The following RALYL variants were observed in gnomAD, a reference collection of about 807,000 sequenced individuals.
RALYL encodes the protein RNA-binding Raly-like protein.
In RALYL, 29 loss-of-function variants were observed where a neutral mutation model predicts 35.1. The observed-to-expected ratio is 0.83, with a 90% confidence interval of 0.61 to 1.13. RALYL has a LOEUF of 1.13. Ranked by LOEUF, RALYL falls within the 50% of genes most tolerant of loss-of-function variation. The pLI is 0.00. For synonymous variants in RALYL, 120 were observed against 127.6 expected, an observed-to-expected ratio of 0.94 and a Z score of 0.40; for missense variants, 359 against 360.4, an observed-to-expected ratio of 1.00 and a Z score of 0.03.
At position 84,468,512 on chromosome 8, in the gene RALYL, T is replaced by C. The variant is rs574366812; in HGVS notation, c.-23-60787T>C. ...CTTGTAGGGTTTCTGCCGAGAGATC[T>C]GCTGTTAGTCTGATGGGCTTCCCTT... On this transcript the variant is annotated intron_variant, in intron 1 of 8. Coordinates refer to ENST00000521268, the MANE Select transcript of RALYL (RefSeq NM_173848.7). Among the ~76,000 whole-genome samples, 84 of 149,862 alleles carry C rather than the reference T, an allele frequency of 5.6e-4. 1 individual carries two copies. In the South Asian group the frequency reaches 0.018, roughly 32 times the overall value.
intron 2 of RALYL, among the ~76,000 whole-genome samples, chr8:84,600,917 C>G (rs1356920290): frequency 6.6e-6 from 1 of 151,948 alleles, no homozygotes; most frequent in African/African-American, 2.4e-5. Flanking sequence ...CATCATGATG[C>G]TATTGGTTAT....
chr8:84,788,274 G>A (rs557381405), intron 3 of RALYL, among the ~76,000 whole-genome samples: 3 of 152,218 alleles, frequency 2.0e-5, no homozygotes, highest in Non-Finnish European at 2.9e-5. Context: ...CAGAACAGAT[G>A]TCTACAACCA....
chr8:84,551,317 T>A (rs972187238), intron 2 of RALYL, among the ~76,000 whole-genome samples: 2 of 152,158 alleles, frequency 1.3e-5, no homozygotes, highest in African/African-American at 4.8e-5. Context: ...AATGATTTAT[T>A]GACCAACATA....
At chr8:84,639,772 A>C (rs1825930850) in intron 2 of RALYL, among the ~76,000 whole-genome samples, 1 of 151,966 alleles carries the variant, frequency 6.6e-6, no homozygotes, top group Admixed American at 6.6e-5. Context: ...AAAAGAATTA[A>C]AGCCAATTAA....
chr8:84,629,374 A>G (rs1471047357), intron 2 of RALYL, among the ~76,000 whole-genome samples: 2 of 152,114 alleles, frequency 1.3e-5, no homozygotes, highest in Admixed American at 6.6e-5. Context: ...AATACTTCCA[A>G]AATGCATATA....
intron 1 of RALYL, among the ~76,000 whole-genome samples, chr8:84,492,688 T>C (rs931583233): frequency 6.7e-6 from 1 of 149,586 alleles, no homozygotes; most frequent in Non-Finnish European, 1.5e-5. Flanking sequence ...GATTGTGTTT[T>C]CCCCTCTTGT....
intron 1 of RALYL, among the ~76,000 whole-genome samples, chr8:84,425,398 C>T (rs963258121): frequency 2.0e-5 from 3 of 152,210 alleles, no homozygotes; most frequent in East Asian, 1.9e-4. Context: ...ATGCCTCGCC[C>T]TGCTTCGGCT....
At chr8:84,570,047 T>C (rs1289267534) in intron 2 of RALYL, among the ~76,000 whole-genome samples, 1 of 151,978 alleles carries the variant, frequency 6.6e-6, no homozygotes, top group Non-Finnish European at 1.5e-5. Context: ...TTCTTTTTGA[T>C]GAGGATTGCT....
At chr8:84,811,758 G>T (rs149312058) in intron 4 of RALYL, among the ~76,000 whole-genome samples, 1,678 of 152,066 alleles carry the variant, frequency 0.011, 39 homozygotes, top group African/African-American at 0.038. Context: ...TAATTTGAAG[G>T]CCTTGTCTTT....
At chr8:84,666,225 A>G (rs1050048485) in intron 2 of RALYL, among the ~76,000 whole-genome samples, 5 of 151,988 alleles carry the variant, frequency 3.3e-5, no homozygotes, top group African/African-American at 4.8e-5. Context: ...ATACTAGCCT[A>G]TTTTGCTCGT....
At chr8:84,292,909 T>G (rs1839032771) in intron 1 of RALYL, among the ~76,000 whole-genome samples, 1 of 152,132 alleles carries the variant, frequency 6.6e-6, no homozygotes, top group Non-Finnish European at 1.5e-5. Flanking sequence ...GTACTTGCCC[T>G]GAATTCTTTC....
intron 8 of RALYL, among the ~76,000 whole-genome samples, chr8:84,911,153 A>T (rs2135689352): frequency 6.6e-6 from 1 of 152,228 alleles, no homozygotes; most frequent in South Asian, 2.1e-4. Context: ...CAGAAAGTTC[A>T]ACTAGCAACT....
chr8:84,906,323 C>G (rs1019791381), intron 8 of RALYL, among the ~76,000 whole-genome samples: 2 of 151,892 alleles, frequency 1.3e-5, no homozygotes, highest in Admixed American at 6.6e-5. Context: ...GTATGATGAG[C>G]TGTAAAAACT....
intron 1 of RALYL, among the ~76,000 whole-genome samples, chr8:84,491,421 G>T (rs783783): frequency 0.24 from 35,754 of 151,790 alleles, 5,222 homozygotes; most frequent in East Asian, 0.34. Context: ...GCCTGAGGTG[G>T]GGTATATTCT....
In RALYL at chr8:84,309,352, A is replaced by G. The variant is rs558332628; in HGVS notation, c.-24+124928A>G. 2.0e-4 allele frequency among the ~76,000 whole-genome samples: 31 copies of G among 151,872 alleles called. 1 individual carries two copies. The highest frequency in any genetic ancestry group is 6.3e-4 in the South Asian group (3 of 4,796). On this transcript the variant is annotated intron_variant, in intron 1 of 8. Coordinates refer to ENST00000521268, the MANE Select transcript of RALYL (RefSeq NM_173848.7). ...AAACAGTCTTAATTAAGCAAATCAG[A>G]AGTAGTATAGAAAACATTGCTGTAC...
chr8:84,283,325 G>T (rs1035319424), intron 1 of RALYL, among the ~76,000 whole-genome samples: 5 of 152,104 alleles, frequency 3.3e-5, no homozygotes, highest in African/African-American at 2.4e-5. Context: ...TCATATGTTT[G>T]CACATCCATG....
intron 1 of RALYL, among the ~76,000 whole-genome samples, chr8:84,190,690 G>C (rs1385054446): frequency 6.6e-6 from 1 of 152,144 alleles, no homozygotes; most frequent in African/African-American, 2.4e-5. Flanking sequence ...ATTCAATTTT[G>C]AACATAGTAA....
At chr8:84,692,040 A>T (rs964894320) in intron 2 of RALYL, among the ~76,000 whole-genome samples, 14 of 151,954 alleles carry the variant, frequency 9.2e-5, no homozygotes, top group African/African-American at 1.9e-4. Context: ...CATGATTTTT[A>T]AAAAAAACTT....
chr8:84,278,862 C>G (rs1191664904), intron 1 of RALYL, among the ~76,000 whole-genome samples: 2 of 152,206 alleles, frequency 1.3e-5, no homozygotes, highest in Non-Finnish European at 2.9e-5. Context: ...TCTTCCTGTC[C>G]TCTTCTGAGC....
Sources: allele counts gnomAD v4.1 joint callset (sites outside exome capture counted in the v4.1 genomes callset), GRCh38; gene constraint gnomAD v4.1.1; transcripts MANE v1.5; gene names NCBI Gene and HGNC (gene_info 2026-07-23, HGNC 2026-07-21).